The following MNAT1 variants were observed in gnomAD, a reference collection of about 807,000 sequenced individuals.
MNAT1 encodes the protein MNAT1 component of CDK activating kinase.
A neutral mutation model predicts 42.0 loss-of-function variants in MNAT1; 43 were observed. The ratio of observed to expected loss-of-function variants is 1.02; its 90% CI spans 0.80 to 1.32. MNAT1 has a LOEUF of 1.32. MNAT1 is among the 40% of genes most tolerant of loss of function. The pLI is 0.00. For synonymous variants in MNAT1, 118 were observed against 120.0 expected, an observed-to-expected ratio of 0.98 and a Z score of 0.11; for missense variants, 306 against 350.4, an observed-to-expected ratio of 0.87 and a Z score of 1.01.
At chr14:60,900,327 TAA>T (rs1277608387) in intron 7 of MNAT1, among the ~76,000 whole-genome samples, 2 of 152,172 alleles carry the variant, frequency 1.3e-5, no homozygotes, top group Non-Finnish European at 2.9e-5. Context: ...TAAAGGAAAT[TAA>T]AAGTGTTGCT....
intron 7 of MNAT1, among the ~76,000 whole-genome samples, chr14:60,950,652 G>A (rs905637220): frequency 6.6e-6 from 1 of 151,968 alleles, no homozygotes; most frequent in Admixed American, 6.6e-5. Flanking sequence ...TTTATGTGTG[G>A]CCCGAGACAA....
At chr14:60,790,459 A>T (rs1051360048) in intron 1 of MNAT1, among the ~76,000 whole-genome samples, 6 of 152,304 alleles carry the variant, frequency 3.9e-5, no homozygotes, top group African/African-American at 1.4e-4. Context: ...GACTCAAAAT[A>T]ATCCAACCTT....
intron 6 of MNAT1, among the ~76,000 whole-genome samples, chr14:60,862,290 C>T (rs955111619): frequency 6.6e-6 from 1 of 152,150 alleles, no homozygotes; most frequent in Non-Finnish European, 1.5e-5. Context: ...TGTGTGCTAG[C>T]TTTTTCCTAA....
chr14:60,869,639 A>G (rs1326782321), intron 6 of MNAT1, among the ~76,000 whole-genome samples: 2 of 152,222 alleles, frequency 1.3e-5, no homozygotes, highest in Non-Finnish European at 2.9e-5. Flanking sequence ...CATTTAACCT[A>G]TCGGCCTAAA....
intron 6 of MNAT1, among the ~76,000 whole-genome samples, chr14:60,859,949 T>A (rs919475317): frequency 7.2e-5 from 11 of 152,180 alleles, no homozygotes; most frequent in African/African-American, 2.7e-4. Flanking sequence ...AAGCTATAAT[T>A]TAAGAAATTT....
rs2036735457 is a variant in MNAT1 at position 60,969,183 on chromosome 14, T to C, written c.*834T>C. 1.3e-5 allele frequency: 2 copies of C among 152,238 alleles called. No homozygotes were observed. The highest frequency in any genetic ancestry group is 2.9e-5 in the Non-Finnish European group (2 of 68,046). 9.4% of individuals were successfully genotyped at this position (152,238 alleles called of 1,614,324 possible). ...TTGTATACTGATACAGTTTTTTTGT[T>C]GAAACTTCAAAGGCTTTTATTACCA... On this transcript the variant is annotated 3_prime_UTR_variant, in exon 8 of 8. Transcript: ENST00000261245.
rs116139105 is a variant in MNAT1 at position 60,903,770 on chromosome 14, A to C, written c.809+23935A>C. On this transcript the variant is annotated intron_variant, in intron 7 of 7. Transcript: ENST00000261245. Reference sequence around the variant, plus strand: ...TAGTCTTTACCTTCGTCTTTACCTTATAATATTGACTTATTATATATGGAT... The same window carrying C: ...TAGTCTTTACCTTCGTCTTTACCTTCTAATATTGACTTATTATATATGGAT... 8.0e-3 allele frequency among the ~76,000 whole-genome samples: 1,218 copies of C among 151,620 alleles called. 22 individuals are homozygous for C. Among genetic ancestry groups the C allele is most frequent in the African/African-American group, 0.028 (1,146 of 41,350 alleles).
chr14:60,890,522 A>G (rs1594839287), intron 7 of MNAT1, among the ~76,000 whole-genome samples: 1 of 152,150 alleles, frequency 6.6e-6, no homozygotes, highest in East Asian at 1.9e-4. Context: ...ACTATACACC[A>G]TCTGCAAGCT....
intron 6 of MNAT1, among the ~76,000 whole-genome samples, chr14:60,868,621 G>T (rs1210196353): frequency 6.6e-6 from 1 of 152,136 alleles, no homozygotes; most frequent in Non-Finnish European, 1.5e-5. Flanking sequence ...CCTGAGGGCA[G>T]GGGCTTGATC....
intron 7 of MNAT1, among the ~76,000 whole-genome samples, chr14:60,941,583 A>G (rs575808696): frequency 6.6e-5 from 10 of 151,920 alleles, no homozygotes; most frequent in Admixed American, 1.3e-4. Flanking sequence ...GTATGCGCCT[A>G]TAGTCCTAGC....
intron 6 of MNAT1, among the ~76,000 whole-genome samples, chr14:60,871,712 T>C (rs2034327629): frequency 6.6e-6 from 1 of 151,982 alleles, no homozygotes; most frequent in Admixed American, 6.6e-5. Flanking sequence ...AACCTCTGTC[T>C]CCCAGGTTCA....
chr14:60,817,740 A>G (rs1347054091), intron 5 of MNAT1, among the ~76,000 whole-genome samples: 3 of 152,164 alleles, frequency 2.0e-5, no homozygotes, highest in Non-Finnish European at 4.4e-5. Flanking sequence ...TCAGGATCAA[A>G]TTCTGTGTAG....
At chr14:60,957,076 TTTTCTTGCTGTC>T (rs2036499888) in intron 7 of MNAT1, among the ~76,000 whole-genome samples, 1 of 152,218 alleles carries the variant, frequency 6.6e-6, no homozygotes, top group Non-Finnish European at 1.5e-5. Flanking sequence ...TTTGTCCCTT[TTTTCTTGCTGTC>T]TTTCTTTGTG....
intron 7 of MNAT1, among the ~76,000 whole-genome samples, chr14:60,918,631 A>G (rs989564964): frequency 1.1e-4 from 16 of 151,920 alleles, no homozygotes; most frequent in African/African-American, 3.9e-4. Context: ...ATAAAAGATG[A>G]AAGGATGTTG....
At chr14:60,777,086 G>T (rs940486798) in intron 1 of MNAT1, among the ~76,000 whole-genome samples, 1 of 152,158 alleles carries the variant, frequency 6.6e-6, no homozygotes, top group Non-Finnish European at 1.5e-5. Context: ...CTGGGCTCAA[G>T]CAATCCACCT....
At chr14:60,818,010 G>A (rs919484636) in intron 5 of MNAT1, among the ~76,000 whole-genome samples, 7 of 151,902 alleles carry the variant, frequency 4.6e-5, no homozygotes, top group Non-Finnish European at 7.4e-5. Context: ...AAAGGAAAAT[G>A]TCTGGATATC....
intron 7 of MNAT1, among the ~76,000 whole-genome samples, chr14:60,935,504 T>C (rs1233770358): frequency 6.6e-6 from 1 of 152,230 alleles, no homozygotes; most frequent in Non-Finnish European, 1.5e-5. Context: ...CTTCCAGATG[T>C]GTTGCTTTAT....
At chr14:60,748,991 T>C (rs1459283266) in intron 1 of MNAT1, among the ~76,000 whole-genome samples, 1 of 152,230 alleles carries the variant, frequency 6.6e-6, no homozygotes, top group Admixed American at 6.5e-5. Context: ...TAATGTGTTA[T>C]GCTAAGATGT....
intron 1 of MNAT1, among the ~76,000 whole-genome samples, chr14:60,754,732 T>C (rs1295759054): frequency 6.6e-6 from 1 of 152,170 alleles, no homozygotes; most frequent in Admixed American, 6.5e-5. Flanking sequence ...TATGAACTAC[T>C]TTTATTCAGA....
Sources: allele counts gnomAD v4.1 joint callset (sites outside exome capture counted in the v4.1 genomes callset), GRCh38; gene constraint gnomAD v4.1.1; transcripts MANE v1.5; gene names NCBI Gene and HGNC (gene_info 2026-07-23, HGNC 2026-07-21).